FGF1: variants seen among roughly 807,000 people sequenced by gnomAD.
FGF1 encodes fibroblast growth factor 1, also known as beta-endothelial cell growth factor.
A neutral mutation model predicts 13.4 loss-of-function variants in FGF1; 9 were observed. The observed-to-expected ratio is 0.67, with a 90% CI of 0.40 to 1.17. FGF1 has a LOEUF of 1.17. FGF1 is among the 50% of genes most tolerant of loss of function. The pLI, the probability that FGF1 is intolerant of heterozygous loss-of-function variation, is 0.01. For synonymous variants in FGF1, 93 were observed against 79.0 expected (o/e 1.18, Z -0.94); for missense variants, 156 against 192.7 (o/e 0.81, Z 1.13).
intron 1 of FGF1, among the ~76,000 whole-genome samples, chr5:142,637,324 G>GTT (rs34766539): frequency 7.1e-6 from 1 of 141,604 alleles, no homozygotes; most frequent in Non-Finnish European, 1.5e-5. Context: ...CGGCGTTTTT[G>GTT]TTTTTTTTTT....
chr5:142,684,182 T>C (rs1362076998), intron 1 of FGF1, among the ~76,000 whole-genome samples: 1 of 152,330 alleles, frequency 6.6e-6, no homozygotes, highest in African/African-American at 2.4e-5. Context: ...AGAATGCATG[T>C]CACCTAAGTG....
rs541480223 is a variant in FGF1, at chr5:142,644,458, G to A, written c.-34-30297C>T. On this transcript the variant is annotated intron_variant, in intron 1 of 3. Coordinates refer to ENST00000337706, the MANE Select transcript of FGF1 (RefSeq NM_000800.5). ...CACACACATACACACGTACATCTTG[G>A]TCTGGCTGGACCATTCCTGCAGTGT... 5.3e-5 allele frequency among the ~76,000 whole-genome samples: 8 copies of A among 152,020 alleles called. No homozygotes were observed. The East Asian group carries it at 1.5e-3, about 29-fold the overall frequency.
chr5:142,649,196 T>C (rs1766752410), intron 1 of FGF1, among the ~76,000 whole-genome samples: 2 of 152,334 alleles, frequency 1.3e-5, no homozygotes, highest in South Asian at 4.1e-4. Context: ...TCCCCCTTCC[T>C]TGAGGCAACT....
rs914075935 is a variant in FGF1, at chr5:142,683,437, C to T, written c.-35+2520G>A. Among the ~76,000 whole-genome samples the T allele has an allele frequency of 3.3e-5, 5 of 152,328 alleles. No individual in the cohort carries two copies. The East Asian group carries it at 7.7e-4, about 23-fold the overall frequency. ...ATTGATAATGTTTACTACACAGACT[C>T]AGACTTGGGAGTCTCCAGGTAGCCC... is the stretch of plus-strand genomic sequence containing the variant. On this transcript the variant is annotated intron_variant, in intron 1 of 3. Coordinates refer to ENST00000337706, the MANE Select transcript of FGF1 (RefSeq NM_000800.5).
intron 1 of FGF1, among the ~76,000 whole-genome samples, chr5:142,672,831 C>A (rs1771764325): frequency 6.6e-6 from 1 of 152,096 alleles, no homozygotes; most frequent in Non-Finnish European, 1.5e-5. Flanking sequence ...AATTAACTAG[C>A]AACCAAGGCA....
At chr5:142,656,141 C>T (rs945518179) in intron 1 of FGF1, among the ~76,000 whole-genome samples, 3 of 152,066 alleles carry the variant, frequency 2.0e-5, no homozygotes, top group Non-Finnish European at 4.4e-5. Context: ...GAACAAATTT[C>T]CCACATCATA....
chr5:142,641,919 C>T (rs1320067608), intron 1 of FGF1, among the ~76,000 whole-genome samples: 1 of 150,410 alleles, frequency 6.6e-6, no homozygotes, highest in Non-Finnish European at 1.5e-5. Flanking sequence ...AATTATTATT[C>T]AGTTTCGGTT....
chr5:142,624,233 T>A (rs1362809960), intron 1 of FGF1, among the ~76,000 whole-genome samples: 2 of 152,118 alleles, frequency 1.3e-5, no homozygotes, highest in African/African-American at 4.8e-5. Context: ...TGGCTAACTT[T>A]TAAAATTCTT....
intron 1 of FGF1, among the ~76,000 whole-genome samples, chr5:142,618,171 G>T (rs1448615017): frequency 6.6e-6 from 1 of 152,176 alleles, no homozygotes; most frequent in Non-Finnish European, 1.5e-5. Context: ...GGGTACGGGT[G>T]AGATTTTAGG....
rs1409363906 is a variant in FGF1, at chr5:142,685,008, G to A, written c.-35+949C>T. On this transcript the variant is annotated intron_variant, in intron 1 of 3. Coordinates refer to ENST00000337706, the MANE Select transcript of FGF1 (RefSeq NM_000800.5). ...AATAATGGAGTGTTTGAATTCTGCTGAGGCAGAGTGAGCCCTTGGGCCTCC... is the reference window on the plus strand; with the variant it reads ...AATAATGGAGTGTTTGAATTCTGCTAAGGCAGAGTGAGCCCTTGGGCCTCC... 2.6e-5 allele frequency among the ~76,000 whole-genome samples: 4 copies of A among 152,254 alleles called. No homozygotes were observed. In the East Asian group the frequency reaches 7.7e-4, roughly 29 times the overall value.
chr5:142,695,069 G>T (rs10073449), intron 2 of FGF1, among the ~76,000 whole-genome samples: 16,000 of 152,108 alleles, frequency 0.11, 1,569 homozygotes, highest in African/African-American at 0.26. Context: ...TGGCATCCTG[G>T]GTTATAGTCT....
rs773272684 is a variant in FGF1 at position 142,592,538 on chromosome 5, C to T, written c.*2752G>A. On this transcript the variant is annotated 3_prime_UTR_variant, in exon 4 of 4. Transcript: ENST00000337706. The stretch of plus-strand genomic sequence containing the variant: ...CATGATGCTTTGTTCAGAGCTGGCC[C>T]GAAAATGAATCCATATGAGAGTCAC... 11 of 397,724 alleles carry T rather than the reference C, an allele frequency of 2.8e-5. No individual in the cohort carries two copies. The highest frequency in any genetic ancestry group is 4.1e-5 in the African/African-American group (2 of 48,576). 24.6% of individuals were successfully genotyped at this position (397,724 alleles called of 1,614,324 possible). A position where few individuals can be genotyped will look rare whatever the true frequency, so the allele number is the denominator to read the frequency against.
At chr5:142,618,090 G>A (rs1597145843) in intron 1 of FGF1, among the ~76,000 whole-genome samples, 1 of 152,316 alleles carries the variant, frequency 6.6e-6, no homozygotes, top group East Asian at 1.9e-4. Context: ...GTTGTGCTGG[G>A]AAATGGAGAA....
At chr5:142,687,836 C>G (rs1012007260), upstream of FGF1, among the ~76,000 whole-genome samples, 3 of 152,144 alleles carry the variant, frequency 2.0e-5, no homozygotes, top group Non-Finnish European at 4.4e-5. Context: ...AGGTTAACCC[C>G]GTGTTAACCT....
intron 1 of FGF1, among the ~76,000 whole-genome samples, chr5:142,628,327 G>C (rs6878506): frequency 0.17 from 25,112 of 152,134 alleles, 3,693 homozygotes; most frequent in African/African-American, 0.41. Context: ...TGACCAACAT[G>C]ATGAAACCCC....
chr5:142,658,884 G>C (rs553894129), intron 1 of FGF1, among the ~76,000 whole-genome samples: 26 of 152,240 alleles, frequency 1.7e-4, no homozygotes, highest in African/African-American at 6.3e-4. Flanking sequence ...GAACTGCCAG[G>C]TCACTTGAGT....
intron 1 of FGF1, among the ~76,000 whole-genome samples, chr5:142,647,609 C>A (rs1002756623): frequency 6.6e-6 from 1 of 152,282 alleles, no homozygotes; most frequent in African/African-American, 2.4e-5. Context: ...AATCTAAATA[C>A]TAAATTCATT....
intron 1 of FGF1, among the ~76,000 whole-genome samples, chr5:142,681,426 C>T (rs886691275): frequency 8.5e-5 from 13 of 152,252 alleles, no homozygotes; most frequent in Middle Eastern, 3.4e-3. Flanking sequence ...CCGTCCACTA[C>T]CTGGTCAGAA....
intron 2 of FGF1, among the ~76,000 whole-genome samples, chr5:142,606,400 AG>A (rs769726979): frequency 7.2e-5 from 11 of 151,868 alleles, no homozygotes; most frequent in Non-Finnish European, 1.2e-4. Context: ...GTAGATCACG[AG>A]GTCAGAAGAT....
Sources: allele counts gnomAD v4.1 joint callset (sites outside exome capture counted in the v4.1 genomes callset), GRCh38; gene constraint gnomAD v4.1.1; transcripts MANE v1.5; gene names NCBI Gene and HGNC (gene_info 2026-07-23, HGNC 2026-07-21).